Variants in NOL9 observed in about 807,000 individuals in gnomAD.
NOL9 encodes the protein nucleolar protein 9, also known as polynucleotide 5'-hydroxyl-kinase NOL9.
A neutral mutation model predicts 67.9 loss-of-function variants in NOL9; 28 were observed. That is an observed-to-expected ratio of 0.41 (90% CI 0.31 to 0.57). The LOEUF is 0.57. NOL9 is among the 20% of genes least tolerant of loss of function. The probability of loss-of-function intolerance (pLI) is 0.25; values close to 1 mark genes in which losing one functional copy is unlikely to be tolerated. For synonymous variants in NOL9, 356 were observed against 352.2 expected (o/e 1.01, Z -0.12); for missense variants, 777 against 897.0 (o/e 0.87, Z 1.71).
intron 1 of NOL9, among the ~76,000 whole-genome samples, chr1:6,551,641 A>C (rs1445169513): frequency 2.0e-5 from 3 of 152,038 alleles, no homozygotes; most frequent in Non-Finnish European, 4.4e-5. Flanking sequence ...AAAAATTTAA[A>C]AGGCTGCAGC....
At chr1:6,529,323 G>T (rs1557782699) in intron 9 of NOL9, 152 bp from the exon 10 acceptor site, 11 of 709,168 alleles carry the variant, frequency 1.6e-5, no homozygotes, top group Non-Finnish European at 1.6e-5. Context: ...AGGCACAGTG[G>T]CTCACGCATG....
At chr1:6,544,525 A>ACG (rs1264335140) in intron 5 of NOL9, among the ~76,000 whole-genome samples, 1 of 69,538 alleles carries the variant, frequency 1.4e-5, no homozygotes, top group East Asian at 3.0e-4. Context: ...ACACACACAC[A>ACG]CACGCACGCA....
chr1:6,529,658 G>T (rs2148650355), intron 9 of NOL9, among the ~76,000 whole-genome samples: 2 of 152,224 alleles, frequency 1.3e-5, no homozygotes, highest in South Asian at 4.2e-4. Context: ...GGGCGCAGTG[G>T]CTCACGCCTG....
At position 6,523,835 on chromosome 1, in the gene NOL9, G is replaced by C. The variant is rs983350964; in HGVS notation, c.*2019C>G. The C allele has an allele frequency of 6.6e-6, 1 of 152,022 alleles. No individual in the cohort carries two copies. The highest frequency in any genetic ancestry group is 1.9e-4 in the East Asian group (1 of 5,188). The allele number at this position is 152,022 out of a possible 1,614,324, so 9.4% of individuals were successfully genotyped here. Reference sequence around the variant, plus strand: ...GGCAACGATTTTTCTTTACTGATAGGGACTGAAGAAAAAGACTTGACCTTC... The same window carrying C: ...GGCAACGATTTTTCTTTACTGATAGCGACTGAAGAAAAAGACTTGACCTTC... On this transcript the variant is annotated 3_prime_UTR_variant, in exon 12 of 12. Coordinates refer to ENST00000377705, the MANE Select transcript of NOL9 (RefSeq NM_024654.5).
At chr1:6,533,951 G>T (rs151271264) in intron 6 of NOL9, among the ~76,000 whole-genome samples, 6 of 151,262 alleles carry the variant, frequency 4.0e-5, no homozygotes, top group African/African-American at 1.5e-4. Flanking sequence ...GCAATGGTGC[G>T]ATCTTGGCTC....
chr1:6,542,171 T>C (rs1234674768), intron 5 of NOL9, among the ~76,000 whole-genome samples: 1 of 151,358 alleles, frequency 6.6e-6, no homozygotes, highest in African/African-American at 2.4e-5. Context: ...AGATTTTTTT[T>C]TTTTTTTTAC....
Position 6,524,571 on chromosome 1 carries a change from G to C in NOL9, c.*1283C>G, listed in dbSNP as rs766015903. 6.6e-6 allele frequency: 1 copy of C among 152,152 alleles called. No homozygotes were observed. The highest frequency in any genetic ancestry group is 1.5e-5 in the Non-Finnish European group (1 of 68,044). 9.4% of individuals were successfully genotyped at this position (152,152 alleles called of 1,614,324 possible). On this transcript the variant is annotated 3_prime_UTR_variant, in exon 12 of 12. Transcript: ENST00000377705. ...GTTCATAGGTGCAAGTTCAGGTCCA[G>C]CCTCCCACAGGCAATAATGGAGCTT...
At chr1:6,544,611 A>C (rs1639380696) in intron 5 of NOL9, among the ~76,000 whole-genome samples, 1 of 128,988 alleles carries the variant, frequency 7.8e-6, no homozygotes, top group African/African-American at 2.9e-5. Flanking sequence ...TCCTCTTGGA[A>C]GTCTGCCTGC....
At position 6,532,223 on chromosome 1, in the gene NOL9, AG is replaced by A. The variant is rs145344233; in HGVS notation, c.1536-145del. The A allele has an allele frequency of 2.6e-4, 197 of 750,732 alleles. No individual in the cohort carries two copies. In the African/African-American group the frequency reaches 3.2e-3, roughly 12 times the overall value. 46.5% of individuals were successfully genotyped at this position (750,732 alleles called of 1,614,324 possible). A position where few individuals can be genotyped will look rare whatever the true frequency, so the allele number is the denominator to read the frequency against. ...CTTGACGGACCCCAACTGGAAAAAC[AG>A]GAAGTGTAAAGACTCTCCTTTAAGT... On this transcript the variant is annotated intron_variant, in intron 8 of 11. Transcript: ENST00000377705.
chr1:6,552,498 C>T (rs1639564886), intron 1 of NOL9, among the ~76,000 whole-genome samples: 1 of 152,042 alleles, frequency 6.6e-6, no homozygotes, highest in Non-Finnish European at 1.5e-5. Flanking sequence ...TATCAGCTTA[C>T]CACAACCTCC....
At chr1:6,539,094 TG>T (rs1229121437) in intron 6 of NOL9, among the ~76,000 whole-genome samples, 1 of 152,200 alleles carries the variant, frequency 6.6e-6, no homozygotes, top group Non-Finnish European at 1.5e-5. Context: ...TTTAAGGGAA[TG>T]TAAATGAAAA....
At chr1:6,546,387 A>C (rs1639422524) in intron 3 of NOL9, among the ~76,000 whole-genome samples, 1 of 152,196 alleles carries the variant, frequency 6.6e-6, no homozygotes, top group African/African-American at 2.4e-5. Flanking sequence ...GACTCTGCAA[A>C]AGACTAAAAG....
chr1:6,526,966 C>A, intron 10 of NOL9, 137 bp from the exon 11 acceptor site: 1 of 1,192,324 alleles, frequency 8.4e-7, no homozygotes, highest in Non-Finnish European at 1.1e-6. Flanking sequence ...AAAGAGCTGG[C>A]CAGGTGCAGT....
chr1:6,526,617 CCCCTGACCCTACTTCAGCTCCTCACTT>C (rs1638890114), intron 11 of NOL9, 52 bp downstream of exon 11: 42 of 1,427,466 alleles, frequency 2.9e-5, no homozygotes, highest in Non-Finnish European at 3.9e-5. Flanking sequence ...ATTCCCATGA[CCCCTGACCCTACTTCAGCTCCTCACTT>C]CTGTGGACCT....
At chr1:6,552,322 G>A (rs10779791) in intron 1 of NOL9, among the ~76,000 whole-genome samples, 117,106 of 151,438 alleles carry the variant, frequency 0.77, 46,956 homozygotes, top group Non-Finnish European at 0.87. Flanking sequence ...CACCACACCC[G>A]GCCGATATTT....
At chr1:6,529,416 T>A (rs1430530802) in intron 9 of NOL9, among the ~76,000 whole-genome samples, 1 of 151,500 alleles carries the variant, frequency 6.6e-6, no homozygotes, top group Non-Finnish European at 1.5e-5. Context: ...TGGTGAAACC[T>A]TGTCTCTACA....
At chr1:6,530,826 A>G (rs1221798842) in intron 9 of NOL9, among the ~76,000 whole-genome samples, 1 of 152,262 alleles carries the variant, frequency 6.6e-6, no homozygotes, top group Non-Finnish European at 1.5e-5. Flanking sequence ...TGCCTGGCAC[A>G]GAGCAAGCGC....
chr1:6,550,659 C>T, intron 1 of NOL9, 44 bp from the exon 2 acceptor site: 1 of 1,155,400 alleles, frequency 8.7e-7, no homozygotes, highest in Non-Finnish European at 1.3e-6. Context: ...GATCATGTCA[C>T]TAATGACTGA....
intron 11 of NOL9, 103 bp from the exon 12 acceptor site, chr1:6,526,106 T>C: frequency 9.6e-7 from 1 of 1,039,650 alleles, no homozygotes; most frequent in Non-Finnish European, 1.5e-6. Flanking sequence ...GGTGATGGTC[T>C]GGGTGGGGAC....
Sources: gnomAD v4.1 joint callset for allele counts (sites outside exome capture counted in the v4.1 genomes callset) on GRCh38, gnomAD v4.1.1 for gene constraint, MANE v1.5 for transcripts, NCBI Gene and HGNC (gene_info 2026-07-23, HGNC 2026-07-21) for gene names.